STK39: variants seen among roughly 807,000 people sequenced by gnomAD.
STK39 encodes STE20/SPS1-related proline-alanine-rich protein kinase.
In STK39, 20 loss-of-function variants were observed where a neutral mutation model predicts 77.8. The observed-to-expected ratio is 0.26, with a 90% CI of 0.18 to 0.37. The LOEUF is 0.37. Ranked by LOEUF, STK39 falls within the 10% of genes least tolerant of loss-of-function variation. The pLI, the probability that STK39 is intolerant of heterozygous loss-of-function variation, is 1.00. For missense variants in STK39, 479 were observed against 656.5 expected, an observed-to-expected ratio of 0.73 and a Z score of 2.95; for synonymous variants, 246 against 234.1, an observed-to-expected ratio of 1.05 and a Z score of -0.47.
chr2:168,091,888 A>T (rs960739312), intron 10 of STK39, among the ~76,000 whole-genome samples: 5 of 152,208 alleles, frequency 3.3e-5, no homozygotes, highest in African/African-American at 9.7e-5. Context: ...TTCTCTGATA[A>T]GGACATTTAA....
intron 16 of STK39, among the ~76,000 whole-genome samples, chr2:167,990,757 A>G (rs1683680645): frequency 6.6e-6 from 1 of 152,214 alleles, no homozygotes; most frequent in Non-Finnish European, 1.5e-5. Flanking sequence ...CATTCACTCA[A>G]TAATATTTAT....
At chr2:168,059,261 G>A (rs1168660600) in intron 14 of STK39, among the ~76,000 whole-genome samples, 1 of 152,142 alleles carries the variant, frequency 6.6e-6, no homozygotes, top group Non-Finnish European at 1.5e-5. Flanking sequence ...CTCCCCTTGA[G>A]TATGAACAGG....
At position 168,196,940 on chromosome 2, in the gene STK39, G is replaced by T. The variant is rs1574546990; in HGVS notation, c.209-14850C>A. On this transcript the variant is annotated intron_variant, in intron 1 of 17. Coordinates refer to ENST00000355999, the MANE Select transcript of STK39 (RefSeq NM_013233.3). ...CAGGTGGAAAGAGGTGGTAGGGCAG[G>T]TTGGCAGGAGACTAAACACAGGGAA... Among the ~76,000 whole-genome samples the T allele has an allele frequency of 3.3e-5, 5 of 152,182 alleles. No homozygotes were observed. In the South Asian group the frequency reaches 1.0e-3, roughly 32 times the overall value.
chr2:168,164,416 T>G (rs932651223), intron 3 of STK39, among the ~76,000 whole-genome samples: 1 of 152,190 alleles, frequency 6.6e-6, no homozygotes, highest in African/African-American at 2.4e-5. Context: ...TCTTTTTCTT[T>G]TTTTATTTGA....
intron 6 of STK39, 110 bp from the exon 7 acceptor site, chr2:168,140,500 A>C: frequency 1.7e-6 from 2 of 1,192,172 alleles, no homozygotes; most frequent in Admixed American, 3.9e-5. Flanking sequence ...CTTTCACGTT[A>C]GTTTGCTAAT....
chr2:168,051,510 G>A (rs1032523831), intron 14 of STK39, among the ~76,000 whole-genome samples: 8 of 152,164 alleles, frequency 5.3e-5, no homozygotes, highest in African/African-American at 1.7e-4. Flanking sequence ...CAGAAGACAC[G>A]AGAGTCCCCA....
intron 12 of STK39, among the ~76,000 whole-genome samples, chr2:168,068,129 G>A (rs979980745): frequency 2.0e-5 from 3 of 152,100 alleles, no homozygotes; most frequent in Non-Finnish European, 2.9e-5. Flanking sequence ...ACCGCTCATC[G>A]GGTCCCTCCC....
intron 10 of STK39, among the ~76,000 whole-genome samples, chr2:168,100,099 C>T (rs377057167): frequency 7.9e-4 from 121 of 152,244 alleles, no homozygotes; most frequent in African/African-American, 2.6e-3. Context: ...GGCAGGGCCA[C>T]GAATCAATTT....
At chr2:168,081,968 A>G (rs1411336351) in intron 10 of STK39, among the ~76,000 whole-genome samples, 1 of 151,988 alleles carries the variant, frequency 6.6e-6, no homozygotes, top group Non-Finnish European at 1.5e-5. Flanking sequence ...TTAAACCTCT[A>G]TTTCTTTTGT....
chr2:168,236,808 A>C (rs1214038224), intron 1 of STK39, among the ~76,000 whole-genome samples: 1 of 151,936 alleles, frequency 6.6e-6, no homozygotes, highest in Non-Finnish European at 1.5e-5. Context: ...ATTGGTCTAT[A>C]TCTCTGTTTT....
intron 8 of STK39, among the ~76,000 whole-genome samples, chr2:168,137,193 T>C (rs1687861791): frequency 6.6e-6 from 1 of 152,218 alleles, no homozygotes; most frequent in South Asian, 2.1e-4. Flanking sequence ...AGTCCTTCCC[T>C]GAAAAAGAAA....
intron 2 of STK39, among the ~76,000 whole-genome samples, chr2:168,170,315 T>G (rs962344147): frequency 3.3e-5 from 5 of 149,950 alleles, no homozygotes; most frequent in African/African-American, 1.3e-4. Context: ...CAAGCATATT[T>G]GTTTGTCCCT....
chr2:168,011,306 A>C (rs984845728), intron 16 of STK39, among the ~76,000 whole-genome samples: 2 of 152,204 alleles, frequency 1.3e-5, no homozygotes, highest in Non-Finnish European at 2.9e-5. Flanking sequence ...CTCAAAAAAA[A>C]CAAAACCAAA....
At chr2:168,038,294 TAAAACTTATTACA>T (rs1685010715) in intron 14 of STK39, among the ~76,000 whole-genome samples, 1 of 152,186 alleles carries the variant, frequency 6.6e-6, no homozygotes, top group East Asian at 1.9e-4. Context: ...ATTATGACAA[TAAAACTTATTACA>T]AATGTTCAGA....
intron 14 of STK39, among the ~76,000 whole-genome samples, chr2:168,043,077 T>A (rs529290410): frequency 4.1e-4 from 62 of 152,288 alleles, no homozygotes; most frequent in Admixed American, 2.0e-3. Context: ...ACCTGGCCCC[T>A]CCGTCCCCAC....
rs1688803910 is a variant in STK39 at position 168,170,777 on chromosome 2, C to G, written c.322-3370G>C. Among the ~76,000 whole-genome samples, 3 of 152,194 alleles carry G rather than the reference C, an allele frequency of 2.0e-5. No individual in the cohort carries two copies. In the South Asian group the frequency reaches 6.2e-4, roughly 32 times the overall value. Reference sequence around the variant, plus strand: ...GGCCGACAGTACTGCCTGGCTGAGTCTAACTGGAGGAGAGTCTAACTGGAG... The same window carrying G: ...GGCCGACAGTACTGCCTGGCTGAGTGTAACTGGAGGAGAGTCTAACTGGAG... On this transcript the variant is annotated intron_variant, in intron 2 of 17. Transcript: ENST00000355999.
At chr2:168,231,698 A>G (rs1342322657) in intron 1 of STK39, among the ~76,000 whole-genome samples, 1 of 152,028 alleles carries the variant, frequency 6.6e-6, no homozygotes, top group Admixed American at 6.5e-5. Context: ...CTAATCTATC[A>G]ATTTTTCTCT....
intron 16 of STK39, among the ~76,000 whole-genome samples, chr2:167,991,074 C>T (rs1176771339): frequency 3.3e-5 from 5 of 152,174 alleles, no homozygotes; most frequent in Non-Finnish European, 5.9e-5. Context: ...AACAAACACC[C>T]GATACACGGG....
At chr2:168,031,770 G>T (rs547933421) in intron 14 of STK39, among the ~76,000 whole-genome samples, 1 of 152,128 alleles carries the variant, frequency 6.6e-6, no homozygotes, top group African/African-American at 2.4e-5. Context: ...ACTTCTAGGC[G>T]CCAGAACAAT....
Sources: gnomAD v4.1 joint callset for allele counts (sites outside exome capture counted in the v4.1 genomes callset) on GRCh38, gnomAD v4.1.1 for gene constraint, MANE v1.5 for transcripts, NCBI Gene and HGNC (gene_info 2026-07-23, HGNC 2026-07-21) for gene names.